The following ANO1 variants were observed in gnomAD, a reference collection of about 807,000 sequenced individuals.
ANO1 encodes anoctamin 1, also known as anoctamin-1.
In ANO1, 59 loss-of-function variants were observed where a neutral mutation model predicts 124.0. That is an observed-to-expected ratio of 0.48 (90% CI 0.39 to 0.59). ANO1 has a LOEUF of 0.59. ANO1 is among the 20% of genes least tolerant of loss of function. The probability of loss-of-function intolerance (pLI) is 0.00; values close to 1 mark genes in which losing one functional copy is unlikely to be tolerated. For missense variants in ANO1, 1,059 were observed against 1,328.0 expected (o/e 0.80, Z 3.15); for synonymous variants, 529 against 532.0 (o/e 0.99, Z 0.08).
At chr11:70,100,332 AAC>A (rs1286965146) in intron 2 of ANO1, among the ~76,000 whole-genome samples, 1 of 152,348 alleles carries the variant, frequency 6.6e-6, no homozygotes, top group African/African-American at 2.4e-5. Context: ...AATGAAGTTA[AAC>A]ATCTCTGGAT....
At chr11:69,973,223 T>C in the ANO1 span, among the ~76,000 whole-genome samples, 8 of 152,192 alleles carry the variant, frequency 5.3e-5, no homozygotes, top group Non-Finnish European at 7.3e-5. Context: ...CATCTCACTC[T>C]GTCCCCTCAC....
At chr11:69,982,272 C>T (rs1459592286), upstream of ANO1, among the ~76,000 whole-genome samples, 7 of 152,168 alleles carry the variant, frequency 4.6e-5, no homozygotes, top group African/African-American at 1.4e-4. Flanking sequence ...GCCAGATGCC[C>T]CACCTGAACC....
At chr11:70,033,012 G>A (rs1034175704) in intron 1 of ANO1, among the ~76,000 whole-genome samples, 2 of 152,304 alleles carry the variant, frequency 1.3e-5, no homozygotes, top group Non-Finnish European at 2.9e-5. Context: ...GTTCCCTTAT[G>A]GATGCTCTTT....
chr11:70,021,811 G>A (rs1856815217), intron 1 of ANO1, among the ~76,000 whole-genome samples: 1 of 152,290 alleles, frequency 6.6e-6, no homozygotes, highest in South Asian at 2.1e-4. Flanking sequence ...GCCCTGCCAG[G>A]AGCCCCTTCA....
At chr11:69,972,487 G>A in the ANO1 span, among the ~76,000 whole-genome samples, 3 of 152,106 alleles carry the variant, frequency 2.0e-5, no homozygotes, top group African/African-American at 7.2e-5. Flanking sequence ...GTACAGGCAC[G>A]CACCTGCTGT....
chr11:70,093,399 T>TC (rs34452550), intron 2 of ANO1, among the ~76,000 whole-genome samples: 104,102 of 151,648 alleles, frequency 0.69, 36,206 homozygotes, highest in African/African-American at 0.78. Flanking sequence ...CTAAAGAAGA[T>TC]ATGGCCAACA....
At chr11:70,067,008 G>A (rs1233059119) in intron 1 of ANO1, among the ~76,000 whole-genome samples, 4 of 152,174 alleles carry the variant, frequency 2.6e-5, no homozygotes, top group African/African-American at 9.7e-5. Context: ...GATCATGACC[G>A]GCACTGCTGT....
At chr11:70,118,754 T>A (rs1176000701) in intron 8 of ANO1, among the ~76,000 whole-genome samples, 1 of 145,458 alleles carries the variant, frequency 6.9e-6, no homozygotes, top group Non-Finnish European at 1.5e-5. Flanking sequence ...GATGGACAGA[T>A]GGATGGTTGA....
intron 8 of ANO1, among the ~76,000 whole-genome samples, chr11:70,120,632 G>T (rs1369048197): frequency 6.6e-6 from 1 of 152,202 alleles, no homozygotes; most frequent in Non-Finnish European, 1.5e-5. Context: ...TTGGAGGCAT[G>T]GAGGGTGAGA....
In ANO1 at chr11:70,174,074, T is replaced by C. The variant is rs2048581688; in HGVS notation, c.2350+3035T>C. ...CCTCAGCCTCCTGAGTAGCTGGGAC[T>C]ACAGGTGCCCGCCACCACGCTTGGC... On this transcript the variant is annotated intron_variant, in intron 22 of 25. Transcript: ENST00000355303. Among the ~76,000 whole-genome samples, 3 of 149,926 alleles carry C rather than the reference T, an allele frequency of 2.0e-5. No individual in the cohort carries two copies. The South Asian group carries it at 6.5e-4, about 33-fold the overall frequency.
At chr11:70,134,666 G>A (rs1208647355) in intron 11 of ANO1, among the ~76,000 whole-genome samples, 2 of 152,098 alleles carry the variant, frequency 1.3e-5, no homozygotes, top group African/African-American at 4.8e-5. Flanking sequence ...CTGAGCACAT[G>A]TGTCCCACCT....
At chr11:69,992,519 G>T (rs1380989703) in intron 1 of ANO1, among the ~76,000 whole-genome samples, 1 of 152,214 alleles carries the variant, frequency 6.6e-6, no homozygotes, top group East Asian at 1.9e-4. Flanking sequence ...GGATGGGCCA[G>T]CCACACCTGG....
intron 6 of ANO1, among the ~76,000 whole-genome samples, chr11:70,108,927 AG>A (rs1336611202): frequency 6.6e-6 from 1 of 152,236 alleles, no homozygotes; most frequent in African/African-American, 2.4e-5. Context: ...ACCAGTTTCC[AG>A]AACCCCTTAA....
chr11:70,155,270 A>T (rs1403926065), intron 14 of ANO1, among the ~76,000 whole-genome samples: 6 of 152,250 alleles, frequency 3.9e-5, no homozygotes, highest in Admixed American at 6.5e-5. Context: ...CCTCTTGGAT[A>T]CAGGGTCCCT....
intron 1 of ANO1, among the ~76,000 whole-genome samples, chr11:70,070,014 GACTT>G (rs1857831654): frequency 6.6e-6 from 1 of 152,186 alleles, no homozygotes; most frequent in South Asian, 2.1e-4. Context: ...GGATTGAAAT[GACTT>G]AATTAATTTG....
At chr11:70,138,329 G>A (rs2047023132) in intron 11 of ANO1, among the ~76,000 whole-genome samples, 1 of 129,708 alleles carries the variant, frequency 7.7e-6, no homozygotes, top group Admixed American at 8.4e-5. Context: ...TGGGCAAAAA[G>A]AGTGAAATTC....
At chr11:70,156,177 C>T (rs924943828) in intron 15 of ANO1, among the ~76,000 whole-genome samples, 189 bp downstream of exon 15, 17 of 145,260 alleles carry the variant, frequency 1.2e-4, no homozygotes, top group Non-Finnish European at 2.3e-4. Flanking sequence ...GGTGGGTCTG[C>T]GGTGGCGGGG....
At position 70,188,096 on chromosome 11, in the gene ANO1, C is replaced by T. The variant is rs1893080; in HGVS notation, c.*92C>T. ...GCGGCTTCCCGCTCCCACCAGGGCC[C>T]GGTGGGTCCTGGGTTTTCTGCAAAC... On this transcript the variant is annotated 3_prime_UTR_variant, in exon 26 of 26. Transcript: ENST00000355303. 1,963 of 1,434,656 alleles carry T rather than the reference C, an allele frequency of 1.4e-3. 30 individuals carry two copies. In the African/African-American group the frequency reaches 0.025, roughly 18 times the overall value. 88.9% of individuals were successfully genotyped at this position (1,434,656 alleles called of 1,614,324 possible).
At chr11:70,102,668 G>A (rs1157391601) in intron 2 of ANO1, among the ~76,000 whole-genome samples, 2 of 152,188 alleles carry the variant, frequency 1.3e-5, no homozygotes, top group African/African-American at 2.4e-5. Flanking sequence ...GTCCCTGAGT[G>A]ATTCCAGGTG....
Sources: gnomAD v4.1 joint callset for allele counts (sites outside exome capture counted in the v4.1 genomes callset) on GRCh38, gnomAD v4.1.1 for gene constraint, MANE v1.5 for transcripts, NCBI Gene and HGNC (gene_info 2026-07-23, HGNC 2026-07-21) for gene names.